SFPQ: variants seen among roughly 807,000 people sequenced by gnomAD.
The protein encoded by SFPQ is splicing factor, proline- and glutamine-rich.
SFPQ carries 11 observed loss-of-function variants against 72.9 expected under a neutral mutation model. The observed-to-expected ratio is 0.15, with a 90% CI of 0.09 to 0.25. The LOEUF is 0.25. Among genes scored for constraint, SFPQ ranks in the 10% least tolerant of loss-of-function variants. The probability of loss-of-function intolerance (pLI) is 1.00; values close to 1 mark genes in which losing one functional copy is unlikely to be tolerated. For missense variants in SFPQ, 847 were observed against 993.3 expected (o/e 0.85, Z 1.98); for synonymous variants, 506 against 367.3 (o/e 1.38, Z -4.32).
At chr1:35,186,914 T>C in intron 9 of SFPQ, 87 bp downstream of exon 9, 7 of 1,414,920 alleles carry the variant, frequency 4.9e-6, no homozygotes, top group Non-Finnish European at 5.8e-6. Context: ...AGTCACCTAC[T>C]TAAAAAAACA....
downstream of SFPQ, chr1:35,181,617 TAGG>T (rs1407296309): frequency 1.9e-5 from 20 of 1,060,192 alleles, no homozygotes; most frequent in Non-Finnish European, 2.1e-5. Context: ...TTTTAAAGAT[TAGG>T]AGAAGTATAA....
intron 1 of SFPQ, 48 bp from the exon 2 acceptor site, chr1:35,191,577 TG>T: frequency 1.4e-6 from 2 of 1,429,520 alleles, no homozygotes; most frequent in Non-Finnish European, 1.9e-6. Context: ...CCTCTGCAAG[TG>T]AAAATCCCCA....
chr1:35,191,946 G>A (rs1025761233), intron 1 of SFPQ, among the ~76,000 whole-genome samples: 8 of 152,124 alleles, frequency 5.3e-5, no homozygotes, highest in Non-Finnish European at 8.8e-5. Flanking sequence ...GCCAGTCCCA[G>A]GGACAGGATA....
chr1:35,178,821 G>A (rs911763308), downstream of SFPQ: 6 of 1,047,328 alleles, frequency 5.7e-6, no homozygotes, highest in Admixed American at 5.6e-5. Flanking sequence ...ATACTATATC[G>A]TTTTGCATTC....
chr1:35,179,292 G>A (rs777797869), downstream of SFPQ: 43 of 1,059,080 alleles, frequency 4.1e-5, no homozygotes, highest in Middle Eastern at 1.3e-3. Context: ...CTAGTCACAC[G>A]CATCTCTTTA....
downstream of SFPQ, chr1:35,181,449 T>C (rs770584757): frequency 1.2e-4 from 123 of 1,063,618 alleles, no homozygotes; most frequent in Non-Finnish European, 1.2e-4. Flanking sequence ...CTGTTTATAT[T>C]AGTGGTACAA....
intron 9 of SFPQ, among the ~76,000 whole-genome samples, chr1:35,185,836 T>C (rs535381331): frequency 6.6e-6 from 1 of 152,328 alleles, no homozygotes; most frequent in South Asian, 2.1e-4. Context: ...GGGGCTTTCA[T>C]AATTATGTTA....
downstream of SFPQ, chr1:35,182,868 A>G (rs1639527492): frequency 1.9e-6 from 2 of 1,046,110 alleles, no homozygotes; most frequent in East Asian, 1.1e-4. Context: ...CTACTTTAAT[A>G]GTCAAAGTCT....
At chr1:35,182,881 T>C, downstream of SFPQ, 1 of 1,045,922 alleles carries the variant, frequency 9.6e-7, no homozygotes, top group Non-Finnish European at 1.2e-6. Context: ...CAAAGTCTCT[T>C]GTTCTAATGG....
In SFPQ at chr1:35,187,061, A is replaced by G. The variant is rs1466006668; in HGVS notation, c.1926T>C (p.Tyr642=). Residue 642 remains tyrosine, a synonymous_variant, in exon 9 of 10, where the codon TAT becomes TAC. Transcript: ENST00000357214. The part of the protein sequence containing the change: ...PPLGGGGGIG[Y]EANPGVPPAT... ...CTGGTGGAACGCCAGGATTAGCTTC[A>G]TAACCTATGCCACCACCACCTCCTA... 1 of 1,614,010 alleles carries G rather than the reference A, an allele frequency of 6.2e-7. No individual in the cohort carries two copies. The highest frequency in any genetic ancestry group is 1.7e-5 in the Admixed American group (1 of 59,998).
chr1:35,192,327 G>A lies in SFPQ; in HGVS notation c.723C>T (p.Pro241=), dbSNP rs951921490. 1.3e-5 allele frequency: 19 copies of A among 1,416,990 alleles called. No individual in the cohort carries two copies. Among genetic ancestry groups the A allele is most frequent in the Admixed American group, 7.0e-5 (2 of 28,414 alleles). The allele number at this position is 1,416,990 out of a possible 1,614,324, so 87.8% of individuals were successfully genotyped here. ...GCGGGTGGTGCTGGCGGCCCCCGCG[G>A]GGCTCCCCGCCGCCTCGATGCGGCG... ...PKPPHRGGGE[P]RGGRQHHPPY... The change falls in exon 1 of 10, where the codon CCC becomes CCT. Residue 241 remains proline, a synonymous_variant. Transcript: ENST00000357214.
Position 35,189,293 on chromosome 1 carries a change from T to C in SFPQ, c.1505A>G (p.Lys502Arg). The C allele has an allele frequency of 6.2e-7, 1 of 1,614,102 alleles. No homozygotes were observed. Among genetic ancestry groups the C allele is most frequent in the Non-Finnish European group, 8.5e-7 (1 of 1,179,964 alleles). Residue 502 changes from lysine to arginine, a missense_variant, in exon 5 of 10, where the codon AAA becomes AGA. Around this residue, in one of 6 missense-constraint regions of SFPQ, gnomAD observed 132 missense variants for 255.4 expected, o/e 0.52. Coordinates refer to ENST00000357214, the MANE Select transcript of SFPQ (RefSeq NM_005066.3). ...QRWKSLDEME[K>R]QQREQVEKNM... ...TTTTTCAACTTGTTCCCTTTGCTGT[T>C]TTTCCATTTCATCCAAAGACTTCCA...
rs996489102 is a variant in SFPQ, at chr1:35,191,508, G to C, written c.850C>G (p.Leu284Val). The C allele has an allele frequency of 6.2e-7, 1 of 1,612,866 alleles. No individual in the cohort carries two copies. Among genetic ancestry groups the C allele is most frequent in the South Asian group, 1.1e-5 (1 of 90,846 alleles). ...GTTTTCTCTCCAGGCCTCCTCAAGA[G>C]AGACAAATTGGCTTTAAACCCCTAA... ...DSEGFKANLS[L>V]LRRPGEKTYT... is the part of the protein sequence containing the mutation. The change falls in exon 2 of 10, where the codon CTC becomes GTC. Residue 284 changes from leucine (L) to valine (V), a missense_variant. Transcript: ENST00000357214.
Position 35,191,377 on chromosome 1 carries a change from A to G in SFPQ, c.981T>C (p.Phe327=). Residue 327 remains phenylalanine, a synonymous_variant, in exon 2 of 10, where the codon TTT becomes TTC. Coordinates refer to ENST00000357214, the MANE Select transcript of SFPQ (RefSeq NM_005066.3). The part of the protein sequence containing the change: ...FAKYGEPGEV[F]INKGKGFGFI... ...ATCCGAATCCTTTGCCTTTGTTGAT[A>G]AAAACTTCTCCTGGTTCTCCATATT... The G allele has an allele frequency of 6.2e-7, 1 of 1,614,070 alleles. No homozygotes were observed. The highest frequency in any genetic ancestry group is 8.5e-7 in the Non-Finnish European group (1 of 1,179,934).
intron 6 of SFPQ, 98 bp downstream of exon 6, chr1:35,188,905 G>T: frequency 2.2e-6 from 2 of 893,292 alleles, no homozygotes; most frequent in East Asian, 2.6e-5. Flanking sequence ...AGGTTGTGGT[G>T]AGCTGAGACT....
At chr1:35,178,084 T>C (rs1255424510), downstream of SFPQ, 1 of 1,242,822 alleles carries the variant, frequency 8.0e-7, no homozygotes, top group East Asian at 4.5e-5. Flanking sequence ...GGGTATAAAA[T>C]AAAGGTTTGA....
chr1:35,183,691 G>T lies in SFPQ; in HGVS notation c.*765C>A. 9.6e-7 allele frequency: 1 copy of T among 1,042,120 alleles called. No homozygotes were observed. Among genetic ancestry groups the T allele is most frequent in the East Asian group, 5.8e-5 (1 of 17,280 alleles). The allele number at this position is 1,042,120 out of a possible 1,614,324, so 64.6% of individuals were successfully genotyped here. ...TGTTGGTCTTTTAAAAACAAGAAAT[G>T]GGGAAATGCAACAAAATGACCTTTC... On this transcript the variant is annotated 3_prime_UTR_variant, in exon 10 of 10. Coordinates refer to ENST00000357214, the MANE Select transcript of SFPQ (RefSeq NM_005066.3).
chr1:35,178,091 T>C (rs1639321897), downstream of SFPQ: 2 of 1,227,914 alleles, frequency 1.6e-6, no homozygotes, highest in African/African-American at 3.2e-5. Flanking sequence ...AAATAAAGGT[T>C]TGAAAATGCT....
chr1:35,181,721 C>T, downstream of SFPQ: 1 of 1,060,928 alleles, frequency 9.4e-7, no homozygotes, highest in Non-Finnish European at 1.1e-6. Flanking sequence ...AAAAAAATGG[C>T]TAAAATACTT....
Sources: allele counts gnomAD v4.1 joint callset (sites outside exome capture counted in the v4.1 genomes callset), GRCh38; gene constraint gnomAD v4.1.1; regional missense constraint gnomAD v4.1.1; transcripts MANE v1.5; gene names NCBI Gene and HGNC (gene_info 2026-07-23, HGNC 2026-07-21).